The following SORCS1 variants were observed in gnomAD, a reference collection of about 807,000 sequenced individuals.
SORCS1 encodes the protein sortilin related VPS10 domain containing receptor 1, also known as VPS10 domain-containing receptor SorCS1.
Under a neutral mutation model 146.1 loss-of-function variants are expected in SORCS1, and 60 were observed. That is an observed-to-expected ratio of 0.41 (90% CI 0.33 to 0.51). The LOEUF is 0.51. SORCS1 is among the 20% of genes least tolerant of loss of function. The pLI, the probability that SORCS1 is intolerant of heterozygous loss-of-function variation, is 0.21. For missense variants in SORCS1, 1,352 were observed against 1,487.6 expected, an observed-to-expected ratio of 0.91 and a Z score of 1.50; for synonymous variants, 637 against 584.0, an observed-to-expected ratio of 1.09 and a Z score of -1.31.
intron 1 of SORCS1, among the ~76,000 whole-genome samples, chr10:107,065,510 CTCTT>C (rs56776512): frequency 7.2e-4 from 62 of 86,418 alleles, no homozygotes; most frequent in Non-Finnish European, 9.0e-4. Context: ...CTCCTCTCCT[CTCTT>C]TCTTTCTTTC....
At chr10:106,842,618 T>C (rs893162651) in intron 2 of SORCS1, among the ~76,000 whole-genome samples, 8 of 152,158 alleles carry the variant, frequency 5.3e-5, no homozygotes, top group Non-Finnish European at 8.8e-5. Flanking sequence ...TTGAGTTTTC[T>C]CTGTTTTGTG....
intron 1 of SORCS1, among the ~76,000 whole-genome samples, chr10:106,990,878 TTTTA>T (rs1443839693): frequency 1.3e-5 from 2 of 150,934 alleles, no homozygotes; most frequent in Admixed American, 6.6e-5. Flanking sequence ...TAAATACTTC[TTTTA>T]TTTGAGGCAC....
At chr10:106,937,376 C>T (rs1399040702) in intron 2 of SORCS1, among the ~76,000 whole-genome samples, 1 of 151,214 alleles carries the variant, frequency 6.6e-6, no homozygotes, top group Admixed American at 6.6e-5. Context: ...GAGGGTTTCA[C>T]CATGTTGGCT....
chr10:107,169,170 C>A (rs1330209958), upstream of SORCS1, among the ~76,000 whole-genome samples: 1 of 152,146 alleles, frequency 6.6e-6, no homozygotes, highest in Non-Finnish European at 1.5e-5. Flanking sequence ...TCAGTTTGCA[C>A]TAAATCACAT....
chr10:107,167,522 G>C (rs1202463212), upstream of SORCS1, among the ~76,000 whole-genome samples: 6 of 151,920 alleles, frequency 3.9e-5, no homozygotes, highest in East Asian at 9.6e-4. Flanking sequence ...TTCTCATCTG[G>C]ACTACCACAA....
intron 1 of SORCS1, among the ~76,000 whole-genome samples, chr10:107,122,115 G>A (rs187915329): frequency 6.6e-6 from 1 of 152,242 alleles, no homozygotes; most frequent in Non-Finnish European, 1.5e-5. Context: ...TTTTGGCTTT[G>A]TCTATTCCAG....
intron 5 of SORCS1, among the ~76,000 whole-genome samples, chr10:106,735,644 T>C (rs1053863970): frequency 6.6e-6 from 1 of 152,188 alleles, no homozygotes; most frequent in Non-Finnish European, 1.5e-5. Context: ...GACCCATATA[T>C]GTATCTATTG....
chr10:107,006,707 C>G (rs992857387), intron 1 of SORCS1, among the ~76,000 whole-genome samples: 10 of 152,178 alleles, frequency 6.6e-5, no homozygotes, highest in Admixed American at 1.3e-4. Context: ...GTCCCAGCTA[C>G]TCAGGAGGCT....
In SORCS1 at chr10:107,164,099, C is replaced by G. The variant is rs776466208; in HGVS notation, c.428G>C (p.Arg143Pro). Residue 143 changes from arginine (R) to proline (P), a missense_variant, in exon 1 of 26, where the codon CGG (arginine) becomes CCG (proline). By Grantham distance (103) the Arg-to-Pro change is moderately radical. Around this residue, in one of 3 missense-constraint regions of SORCS1, gnomAD observed 490 missense variants for 489.1 expected, o/e 1.00. Coordinates refer to ENST00000263054, the MANE Select transcript of SORCS1 (RefSeq NM_052918.5). The surrounding 1 kb of genome is among the most constrained non-coding windows in gnomAD (Gnocchi z 6.8). ...RDGGQQEPGT[R>P]ERDPDKATRF... Reference sequence around the variant, plus strand: ...GGTGGCTTTGTCCGGGTCCCGCTCCCGAGTCCCAGGCTCCTGCTGCCCTCC... The same window carrying G: ...GGTGGCTTTGTCCGGGTCCCGCTCCGGAGTCCCAGGCTCCTGCTGCCCTCC... 1.5e-5 allele frequency: 24 copies of G among 1,613,790 alleles called. No individual in the cohort carries two copies. The highest frequency in any genetic ancestry group is 2.0e-5 in the Non-Finnish European group (24 of 1,180,008).
intron 1 of SORCS1, among the ~76,000 whole-genome samples, chr10:106,994,246 T>G (rs1205242291): frequency 6.6e-6 from 1 of 151,988 alleles, no homozygotes; most frequent in Non-Finnish European, 1.5e-5. Flanking sequence ...CAAAATTGAT[T>G]TTTGGGGGGT....
At chr10:106,863,855 G>A (rs916224295) in intron 2 of SORCS1, among the ~76,000 whole-genome samples, 1 of 151,442 alleles carries the variant, frequency 6.6e-6, no homozygotes, top group Non-Finnish European at 1.5e-5. Context: ...AAAGCTGCCA[G>A]TCCCATCTCA....
At chr10:106,969,268 C>A (rs941539498) in intron 1 of SORCS1, among the ~76,000 whole-genome samples, 1 of 152,122 alleles carries the variant, frequency 6.6e-6, no homozygotes. Flanking sequence ...TTTTGTTACT[C>A]TTTTAAAAGA....
rs112563733 is a variant in SORCS1 at position 106,699,843 on chromosome 10, C to T, written c.1234-450G>A. On this transcript the variant is annotated intron_variant, in intron 8 of 25. Coordinates refer to ENST00000263054, the MANE Select transcript of SORCS1 (RefSeq NM_052918.5). ...ATGGCTCATGGACCAGCAGCAAGGA[C>T]ATCACCTGGAAGCTTATTAAACATA... Among the ~76,000 whole-genome samples the T allele has an allele frequency of 4.9e-3, 746 of 152,276 alleles. 2 individuals are homozygous for T. Among genetic ancestry groups the T allele is most frequent in the Non-Finnish European group, 7.6e-3 (516 of 68,020 alleles).
chr10:106,690,277 C>T (rs894360292), intron 9 of SORCS1, among the ~76,000 whole-genome samples: 4 of 152,190 alleles, frequency 2.6e-5, no homozygotes, highest in African/African-American at 4.8e-5. Context: ...AATTAAATTA[C>T]GTAAATCAGA....
intron 2 of SORCS1, among the ~76,000 whole-genome samples, chr10:106,939,170 C>G (rs966702017): frequency 6.6e-6 from 1 of 152,144 alleles, no homozygotes; most frequent in Non-Finnish European, 1.5e-5. Flanking sequence ...ACAATAAATA[C>G]CAATCAAGTT....
chr10:107,130,653 C>G (rs1049738259), intron 1 of SORCS1, among the ~76,000 whole-genome samples: 1 of 152,026 alleles, frequency 6.6e-6, no homozygotes, highest in Non-Finnish European at 1.5e-5. Flanking sequence ...TCTTTTGTTC[C>G]CACTTTGGCC....
At chr10:107,079,052 C>A (rs188016157) in intron 1 of SORCS1, among the ~76,000 whole-genome samples, 1 of 152,086 alleles carries the variant, frequency 6.6e-6, no homozygotes, top group African/African-American at 2.4e-5. Flanking sequence ...GGTGAAACCA[C>A]GTCTCTACTA....
chr10:106,810,742 C>G (rs1172767896), intron 3 of SORCS1, among the ~76,000 whole-genome samples: 1 of 152,134 alleles, frequency 6.6e-6, no homozygotes, highest in East Asian at 1.9e-4. Flanking sequence ...AAAGTGCTAC[C>G]TGCTCACTGT....
intron 1 of SORCS1, among the ~76,000 whole-genome samples, chr10:107,027,068 T>A (rs1341792720): frequency 6.9e-6 from 1 of 145,968 alleles, no homozygotes; most frequent in Non-Finnish European, 1.5e-5. Flanking sequence ...AATATAAATA[T>A]ATATCAGATA....
Sources: gnomAD v4.1 joint callset for allele counts (sites outside exome capture counted in the v4.1 genomes callset) on GRCh38, gnomAD v4.1.1 for gene constraint, gnomAD v4.1.1 regional missense constraint, Gnocchi (gnomAD v3.1) non-coding constraint, MANE v1.5 for transcripts, NCBI Gene and HGNC (gene_info 2026-07-23, HGNC 2026-07-21) for gene names.